CSMD1: variants seen among roughly 807,000 people sequenced by gnomAD.
The protein encoded by CSMD1 is CUB and sushi domain-containing protein 1.
In CSMD1, 213 loss-of-function variants were observed where a neutral mutation model predicts 417.5. The ratio of observed to expected loss-of-function variants is 0.51; its 90% CI spans 0.46 to 0.57. The LOEUF is 0.57. CSMD1 is among the 20% of genes least tolerant of loss of function. The probability of loss-of-function intolerance (pLI) is 0.00; values close to 1 mark genes in which losing one functional copy is unlikely to be tolerated. For missense variants in CSMD1, 6,923 were observed against 4,529.7 expected (o/e 1.53, Z -15.17); for synonymous variants, 2,862 against 1,736.8 (o/e 1.65, Z -16.11).
intron 3 of CSMD1, among the ~76,000 whole-genome samples, chr8:4,163,590 G>C (rs1026360089): frequency 5.9e-5 from 9 of 152,248 alleles, no homozygotes; most frequent in South Asian, 4.1e-4. Context: ...AAAACTTCCT[G>C]TTTTAAAGTG....
At chr8:3,308,858 G>T (rs960608575) in intron 23 of CSMD1, among the ~76,000 whole-genome samples, 7 of 151,218 alleles carry the variant, frequency 4.6e-5, no homozygotes, top group African/African-American at 1.5e-4. Context: ...CAGGTAGCTG[G>T]GATTACAGGT....
intron 49 of CSMD1, among the ~76,000 whole-genome samples, chr8:3,059,837 G>T (rs1302871297): frequency 2.6e-5 from 4 of 152,104 alleles, no homozygotes; most frequent in African/African-American, 9.7e-5. Context: ...AGAGAGAAGT[G>T]ATTCAAGCAG....
intron 2 of CSMD1, among the ~76,000 whole-genome samples, chr8:4,561,850 C>G (rs959690408): frequency 6.6e-6 from 1 of 152,150 alleles, no homozygotes; most frequent in African/African-American, 2.4e-5. Flanking sequence ...CCCAGAGAAA[C>G]ACAGTGACTT....
chr8:3,527,616 G>A (rs945205323), intron 10 of CSMD1, among the ~76,000 whole-genome samples: 2 of 152,050 alleles, frequency 1.3e-5, no homozygotes, highest in Non-Finnish European at 2.9e-5. Context: ...GCATCTAAGA[G>A]TCCATGAATC....
intron 2 of CSMD1, among the ~76,000 whole-genome samples, chr8:4,627,725 T>TCGC (rs1382948631): frequency 5.9e-5 from 9 of 152,016 alleles, no homozygotes; most frequent in Non-Finnish European, 1.3e-4. Context: ...AAAATAACAG[T>TCGC]TGCTCCCCTC....
chr8:3,849,233 G>A (rs565055503), intron 5 of CSMD1, among the ~76,000 whole-genome samples: 150 of 152,176 alleles, frequency 9.9e-4, no homozygotes, highest in Middle Eastern at 3.4e-3. Flanking sequence ...TGGAAAAGAG[G>A]AATAAAACGA....
At chr8:4,199,755 A>G (rs1273605721) in intron 3 of CSMD1, among the ~76,000 whole-genome samples, 1 of 152,304 alleles carries the variant, frequency 6.6e-6, no homozygotes, top group East Asian at 1.9e-4. Context: ...AAATATTTTC[A>G]AAAACTGAAG....
At chr8:4,714,153 A>T (rs1212003840) in intron 1 of CSMD1, among the ~76,000 whole-genome samples, 1 of 152,060 alleles carries the variant, frequency 6.6e-6, no homozygotes, top group Non-Finnish European at 1.5e-5. Flanking sequence ...TCAAAAAGAA[A>T]AAAAAAAGAA....
chr8:3,329,884 T>C (rs570254474), intron 23 of CSMD1, among the ~76,000 whole-genome samples: 5 of 152,340 alleles, frequency 3.3e-5, no homozygotes, highest in Non-Finnish European at 4.4e-5. Context: ...TAGAGGCTCA[T>C]GGAAATGCTT....
At chr8:3,860,874 C>G (rs1804653354) in intron 5 of CSMD1, among the ~76,000 whole-genome samples, 1 of 152,136 alleles carries the variant, frequency 6.6e-6, no homozygotes, top group Non-Finnish European at 1.5e-5. Context: ...CCAAAGTTCA[C>G]TTTAAGTTCA....
At chr8:3,111,339 T>C (rs1246441953) in intron 42 of CSMD1, among the ~76,000 whole-genome samples, 1 of 149,698 alleles carries the variant, frequency 6.7e-6, no homozygotes, top group Non-Finnish European at 1.5e-5. Context: ...GCTGGAGATT[T>C]GGATCTTTTC....
At chr8:4,095,902 C>T (rs894179526) in intron 3 of CSMD1, among the ~76,000 whole-genome samples, 1 of 152,118 alleles carries the variant, frequency 6.6e-6, no homozygotes, top group Non-Finnish European at 1.5e-5. Context: ...ACTTTATACA[C>T]ACATTTTTGT....
At position 3,000,092 on chromosome 8, in the gene CSMD1, T is replaced by A. The variant is rs1446270053; in HGVS notation, c.8069A>T (p.His2690Leu). The A allele has an allele frequency of 1.3e-6, 2 of 1,575,454 alleles. No homozygotes were observed. Among genetic ancestry groups the A allele is most frequent in the Non-Finnish European group, 8.6e-7 (1 of 1,161,040 alleles). Residue 2690 changes from histidine to leucine, a missense_variant, in exon 53 of 70, where the codon CAC becomes CTC. By Grantham distance (99) the His-to-Leu change is moderately conservative. Transcript: ENST00000635120. Reference protein sequence around the residue: ...CGSPDPIVNGHISGDGFSYRD... With the variant: ...CGSPDPIVNGLISGDGFSYRD... Reference sequence around the variant, plus strand: ...GTAACTGAAGCCATCTCCACTAATGTGACCGTTCACAATCGGGTCTGGGGA... The same window carrying A: ...GTAACTGAAGCCATCTCCACTAATGAGACCGTTCACAATCGGGTCTGGGGA...
At chr8:4,673,123 G>A (rs1805434489) in intron 1 of CSMD1, among the ~76,000 whole-genome samples, 1 of 152,052 alleles carries the variant, frequency 6.6e-6, no homozygotes, top group Non-Finnish European at 1.5e-5. Context: ...ACACACATCT[G>A]TAGCAAACTG....
At chr8:4,045,606 G>T (rs1319502330) in intron 3 of CSMD1, among the ~76,000 whole-genome samples, 1 of 152,176 alleles carries the variant, frequency 6.6e-6, no homozygotes. Flanking sequence ...GAATGTTCCT[G>T]CTATTAGCTG....
chr8:4,032,276 T>C (rs1360741607), intron 3 of CSMD1, among the ~76,000 whole-genome samples, 177 bp from the exon 4 acceptor site: 1 of 152,236 alleles, frequency 6.6e-6, no homozygotes, highest in African/African-American at 2.4e-5. Flanking sequence ...TTTTAGAATA[T>C]CTGCAGTATA....
chr8:3,999,739 T>G (rs1378117581), intron 4 of CSMD1, among the ~76,000 whole-genome samples: 1 of 152,126 alleles, frequency 6.6e-6, no homozygotes, highest in Non-Finnish European at 1.5e-5. Context: ...ATGGACGTCT[T>G]TGAGAGGTAC....
At chr8:4,237,912 T>G (rs1016666907) in intron 3 of CSMD1, among the ~76,000 whole-genome samples, 4 of 152,180 alleles carry the variant, frequency 2.6e-5, no homozygotes, top group African/African-American at 9.7e-5. Flanking sequence ...TAATAAAATG[T>G]GAAGCTTTCC....
chr8:3,330,334 A>T (rs11776410), intron 23 of CSMD1, among the ~76,000 whole-genome samples: 26,088 of 152,138 alleles, frequency 0.17, 2,883 homozygotes, highest in East Asian at 0.35. Flanking sequence ...AGCAAAGACA[A>T]AGACTCAATC....
Sources: gnomAD v4.1 joint callset for allele counts (sites outside exome capture counted in the v4.1 genomes callset) on GRCh38, gnomAD v4.1.1 for gene constraint, MANE v1.5 for transcripts, NCBI Gene and HGNC (gene_info 2026-07-23, HGNC 2026-07-21) for gene names.